The following PCDH15 variants were observed in gnomAD, a reference collection of about 807,000 sequenced individuals.
PCDH15 encodes protocadherin-15.
PCDH15 carries 129 observed loss-of-function variants against 178.5 expected under a neutral mutation model. The ratio of observed to expected loss-of-function variants is 0.72; its 90% CI spans 0.63 to 0.84. The LOEUF (loss-of-function observed/expected upper bound fraction) is 0.84, where lower values mean the gene tolerates loss of function less well. Among genes scored for constraint, PCDH15 ranks in the 40% least tolerant of loss-of-function variants. PCDH15 has a pLI of 0.00. For synonymous variants in PCDH15, 800 were observed against 732.0 expected (o/e 1.09, Z -1.50); for missense variants, 2,230 against 2,099.9 (o/e 1.06, Z -1.21).
intron 1 of PCDH15, among the ~76,000 whole-genome samples, chr10:55,171,855 AAT>A (rs759463116): frequency 6.6e-6 from 1 of 152,038 alleles, no homozygotes; most frequent in Non-Finnish European, 1.5e-5. Context: ...TGAATGGCTA[AAT>A]AGTAGTGATG....
At chr10:54,405,257 G>A (rs1339007591) in intron 3 of PCDH15, among the ~76,000 whole-genome samples, 1 of 152,062 alleles carries the variant, frequency 6.6e-6, no homozygotes, top group Non-Finnish European at 1.5e-5. Flanking sequence ...CAACTTAAAT[G>A]CCCATCAATG....
At chr10:54,215,455 A>G (rs1302234952) in intron 9 of PCDH15, among the ~76,000 whole-genome samples, 1 of 152,196 alleles carries the variant, frequency 6.6e-6, no homozygotes, top group African/African-American at 2.4e-5. Flanking sequence ...CCCTCCTAAT[A>G]GGAGAGTCAT....
chr10:55,095,484 C>T (rs981666170), intron 2 of PCDH15, among the ~76,000 whole-genome samples: 1 of 151,898 alleles, frequency 6.6e-6, no homozygotes, highest in African/African-American at 2.4e-5. Context: ...CATTTTCTCT[C>T]ATATTCTCAA....
intron 2 of PCDH15, among the ~76,000 whole-genome samples, chr10:55,389,950 A>C (rs1837753347): frequency 6.6e-6 from 1 of 152,136 alleles, no homozygotes. Context: ...TGTTTTAATA[A>C]GATTTTTAAG....
At chr10:55,357,895 T>A (rs1347493864) in intron 2 of PCDH15, among the ~76,000 whole-genome samples, 1 of 152,078 alleles carries the variant, frequency 6.6e-6, no homozygotes, top group Non-Finnish European at 1.5e-5. Flanking sequence ...AATTATATGA[T>A]AATCATTTAG....
At chr10:54,813,180 T>A (rs1052089140) in intron 3 of PCDH15, among the ~76,000 whole-genome samples, 1 of 152,164 alleles carries the variant, frequency 6.6e-6, no homozygotes, top group Non-Finnish European at 1.5e-5. Context: ...TTTTCTCAAA[T>A]TTTTAAAACA....
At chr10:54,579,719 C>A (rs138525637) in intron 2 of PCDH15, among the ~76,000 whole-genome samples, 319 of 151,994 alleles carry the variant, frequency 2.1e-3, no homozygotes, top group African/African-American at 7.2e-3. Flanking sequence ...TAAGGGTGAC[C>A]ACATGCTCAG....
chr10:53,965,148 C>A (rs1319641476), intron 21 of PCDH15, among the ~76,000 whole-genome samples: 2 of 151,816 alleles, frequency 1.3e-5, no homozygotes, highest in African/African-American at 4.8e-5. Context: ...ACCTCCGCCT[C>A]TCAGGTTCAA....
At chr10:53,950,864 G>A (rs2086966626) in intron 23 of PCDH15, among the ~76,000 whole-genome samples, 1 of 152,146 alleles carries the variant, frequency 6.6e-6, no homozygotes, top group African/African-American at 2.4e-5. Context: ...AATATATAAA[G>A]AGATAATTGA....
At chr10:54,908,470 TG>T (rs1475605308) in intron 2 of PCDH15, among the ~76,000 whole-genome samples, 1 of 152,138 alleles carries the variant, frequency 6.6e-6, no homozygotes, top group African/African-American at 2.4e-5. Context: ...CTTCTAGGTC[TG>T]GGGCCCCACA....
chr10:54,042,363 A>G (rs2093566321), intron 18 of PCDH15, among the ~76,000 whole-genome samples: 1 of 152,126 alleles, frequency 6.6e-6, no homozygotes, highest in Non-Finnish European at 1.5e-5. Flanking sequence ...CTATATTTGC[A>G]GGCAGTCAAA....
chr10:54,847,591 C>T (rs1017856609), intron 3 of PCDH15, among the ~76,000 whole-genome samples: 4 of 152,046 alleles, frequency 2.6e-5, no homozygotes, highest in African/African-American at 9.7e-5. Flanking sequence ...GGTGTTGTAA[C>T]ACTGTACACC....
chr10:53,808,497 T>A, intron 37 of PCDH15: 1 of 1,390,400 alleles, frequency 7.2e-7, no homozygotes, highest in Non-Finnish European at 9.3e-7. Flanking sequence ...TAGTCAGTTT[T>A]ACTCTAATAC....
At chr10:53,867,870 C>A (rs1181447597) in intron 26 of PCDH15, among the ~76,000 whole-genome samples, 1 of 152,112 alleles carries the variant, frequency 6.6e-6, no homozygotes, top group East Asian at 1.9e-4. Context: ...TACTATCCGA[C>A]TTCCTTTTTA....
intron 23 of PCDH15, among the ~76,000 whole-genome samples, chr10:53,950,069 TTTTTA>T (rs1220787283): frequency 6.6e-6 from 1 of 152,068 alleles, no homozygotes; most frequent in Non-Finnish European, 1.5e-5. Context: ...AACTAGCAAT[TTTTTA>T]TTTTAACAGA....
At chr10:55,091,561 CA>C (rs1842318290) in intron 2 of PCDH15, among the ~76,000 whole-genome samples, 1 of 151,816 alleles carries the variant, frequency 6.6e-6, no homozygotes, top group East Asian at 1.9e-4. Context: ...ATTACTAAAA[CA>C]AAACAACTTC....
chr10:53,808,442 G>C, intron 37 of PCDH15: 4 of 1,240,634 alleles, frequency 3.2e-6, no homozygotes, highest in Non-Finnish European at 4.0e-6. Flanking sequence ...ATTAAATATT[G>C]ATTAGCTGAT....
In PCDH15 at chr10:55,193,521, C is replaced by T. The variant is rs372023449; in HGVS notation, c.-155-26870G>A. On this transcript the variant is annotated intron_variant, in intron 1 of 5. Coordinates refer to the PCDH15 transcript ENST00000458638. ...TAATGCATTTATAAAATGAGTTCTA[C>T]TGCATCCCCTCTTCAGGTTAATAGT... is the stretch of plus-strand genomic sequence containing the variant. Among the ~76,000 whole-genome samples the T allele has an allele frequency of 6.5e-4, 99 of 152,058 alleles. 1 individual carries two copies. In the South Asian group the frequency reaches 0.02, roughly 31 times the overall value.
intron 2 of PCDH15, among the ~76,000 whole-genome samples, chr10:55,143,353 C>T (rs897821942): frequency 6.6e-5 from 10 of 152,050 alleles, no homozygotes; most frequent in Non-Finnish European, 1.5e-4. Context: ...AGAAGTTCTA[C>T]TTTCACAGTT....
Sources: gnomAD v4.1 joint callset for allele counts (sites outside exome capture counted in the v4.1 genomes callset) on GRCh38, gnomAD v4.1.1 for gene constraint, MANE v1.5 for transcripts, NCBI Gene and HGNC (gene_info 2026-07-23, HGNC 2026-07-21) for gene names.